NKTR: variants seen among roughly 807,000 people sequenced by gnomAD.
The protein encoded by NKTR is NK-tumor recognition protein.
In NKTR, 67 loss-of-function variants were observed where a neutral mutation model predicts 156.3. That is an observed-to-expected ratio of 0.43 (90% CI 0.35 to 0.53). The LOEUF is 0.53. Among genes scored for constraint, NKTR ranks in the 20% least tolerant of loss-of-function variants. The probability of loss-of-function intolerance (pLI) is 0.01; values close to 1 mark genes in which losing one functional copy is unlikely to be tolerated. For synonymous variants in NKTR, 640 were observed against 596.6 expected (o/e 1.07, Z -1.06); for missense variants, 1,604 against 1,730.9 (o/e 0.93, Z 1.30).
intron 12 of NKTR, among the ~76,000 whole-genome samples, chr3:42,636,303 G>T (rs1225385287): frequency 6.6e-6 from 1 of 152,230 alleles, no homozygotes; most frequent in African/African-American, 2.4e-5. Flanking sequence ...TCAGTTCTGA[G>T]CCTTGACATT....
chr3:42,632,527 A>C lies in NKTR; in HGVS notation c.551-74A>C, dbSNP rs567897615. On this transcript the variant is annotated intron_variant, in intron 8 of 16. Coordinates refer to ENST00000232978, the MANE Select transcript of NKTR (RefSeq NM_005385.4). ...ATGTAAAGCATATTTTATGATATTCAGTAATCACATTTTTTACTCTGAAAG... is the reference window on the plus strand; with the variant it reads ...ATGTAAAGCATATTTTATGATATTCCGTAATCACATTTTTTACTCTGAAAG... 26 of 845,040 alleles carry C rather than the reference A, an allele frequency of 3.1e-5. No homozygotes were observed. In the South Asian group the frequency reaches 4.4e-4, roughly 14 times the overall value. The allele number at this position is 845,040 out of a possible 1,614,324, so 52.3% of individuals were successfully genotyped here. A position where few individuals can be genotyped will look rare whatever the true frequency, so the allele number is the denominator to read the frequency against.
chr3:42,628,450 T>A, intron 6 of NKTR: 4 of 985,432 alleles, frequency 4.1e-6, no homozygotes, highest in Non-Finnish European at 4.8e-6. Flanking sequence ...TGGAATGTTT[T>A]ATTCCACCAT....
intron 8 of NKTR, 128 bp from the exon 9 acceptor site, chr3:42,632,473 C>A: frequency 5.0e-6 from 3 of 597,482 alleles, no homozygotes; most frequent in Admixed American, 3.2e-5. Flanking sequence ...TTGAAAAAAA[C>A]TGTCTACATT....
At chr3:42,612,381 A>C (rs1235674130) in intron 2 of NKTR, 1 of 152,306 alleles carries the variant, frequency 6.6e-6, no homozygotes, top group Admixed American at 6.5e-5. Flanking sequence ...TTCAAAAGAA[A>C]GAACATTTTC....
intron 8 of NKTR, among the ~76,000 whole-genome samples, chr3:42,631,546 G>A (rs567313346): frequency 2.0e-5 from 3 of 152,252 alleles, no homozygotes; most frequent in East Asian, 1.9e-4. Context: ...GATTATTGCC[G>A]TAGCGTCGTA....
In NKTR at chr3:42,639,643, T is replaced by TC; in HGVS notation, c.3941dup (p.Ser1315LysfsTer2). 6.2e-7 allele frequency: 1 copy of TC among 1,613,748 alleles called. No homozygotes were observed. Among genetic ancestry groups the TC allele is most frequent in the Non-Finnish European group, 8.5e-7 (1 of 1,179,888 alleles). ...GGGATGATGATAGCCAGTCCAGGAG[T>TC]CCAAGTAGATCTCGAAGTAAATCTG... On this transcript the variant is annotated frameshift_variant, in exon 13 of 17. Coordinates refer to ENST00000232978, the MANE Select transcript of NKTR (RefSeq NM_005385.4). LOFTEE classifies it high-confidence loss of function.
At chr3:42,622,436 A>G (rs748655362) in intron 6 of NKTR, among the ~76,000 whole-genome samples, 7 of 152,040 alleles carry the variant, frequency 4.6e-5, no homozygotes, top group Non-Finnish European at 8.8e-5. Context: ...TTTCTTTGTC[A>G]TCTTTCTGAA....
chr3:42,636,776 G>T, intron 12 of NKTR, 92 bp from the exon 13 acceptor site: 2 of 1,467,942 alleles, frequency 1.4e-6, no homozygotes, highest in Non-Finnish European at 1.8e-6. Flanking sequence ...AGTGTTAATG[G>T]GGTCAAGAAC....
chr3:42,604,942 G>A (rs1412365932), intron 2 of NKTR, among the ~76,000 whole-genome samples: 2 of 151,636 alleles, frequency 1.3e-5, no homozygotes, highest in African/African-American at 2.4e-5. Context: ...CACCTGCCTC[G>A]GCCTCTCGAA....
chr3:42,643,520 C>T, intron 15 of NKTR, 125 bp downstream of exon 15: 1 of 781,730 alleles, frequency 1.3e-6, no homozygotes, highest in South Asian at 1.7e-5. Context: ...TGAAACCATA[C>T]CTTTTCTAAA....
intron 6 of NKTR, chr3:42,623,686 T>G (rs919383002): frequency 6.6e-6 from 1 of 152,178 alleles, no homozygotes; most frequent in African/African-American, 2.4e-5. Context: ...CTTCAGGTTA[T>G]GTATATGATC....
intron 6 of NKTR, chr3:42,628,600 A>G (rs1431261147): frequency 1.0e-6 from 1 of 985,310 alleles, no homozygotes; most frequent in Non-Finnish European, 1.2e-6. Flanking sequence ...CATGGGAGGA[A>G]CGGATCAAAG....
At chr3:42,635,142 G>A in intron 11 of NKTR, 79 bp from the exon 12 acceptor site, 1 of 1,074,910 alleles carries the variant, frequency 9.3e-7, no homozygotes, top group South Asian at 1.8e-5. Flanking sequence ...CTGAGATTGG[G>A]TCTTTTACTT....
chr3:42,612,216 A>C (rs1706897436), intron 2 of NKTR: 2 of 152,060 alleles, frequency 1.3e-5, no homozygotes, highest in Non-Finnish European at 2.9e-5. Context: ...AGGAAGAAAA[A>C]TAAGAATTTA....
chr3:42,633,493 G>C, intron 9 of NKTR, 87 bp from the exon 10 acceptor site: 1 of 1,520,978 alleles, frequency 6.6e-7, no homozygotes, highest in African/African-American at 1.4e-5. Context: ...CGTTAATTAT[G>C]CTGTTGTTTT....
At chr3:42,626,992 G>A (rs954410226) in intron 6 of NKTR, among the ~76,000 whole-genome samples, 3 of 152,038 alleles carry the variant, frequency 2.0e-5, no homozygotes, top group Non-Finnish European at 4.4e-5. Flanking sequence ...ACTTAGCCAC[G>A]ATGCTTTTCT....
chr3:42,638,947 G>A lies in NKTR; in HGVS notation c.3243G>A (p.Gln1081=), dbSNP rs756772827. The change falls in exon 13 of 17, where the codon CAG becomes CAA. Residue 1081 remains glutamine, a synonymous_variant. Coordinates refer to ENST00000232978, the MANE Select transcript of NKTR (RefSeq NM_005385.4). ...DTVTVSSDLD[Q]FTKDDSKLSI... The stretch of plus-strand genomic sequence containing the variant: ...TGACTGTTTCATCAGATCTTGATCA[G>A]TTTACTAAAGATGATAGTAAACTCA... 2.5e-6 allele frequency: 4 copies of A among 1,613,578 alleles called. No individual in the cohort carries two copies. In the African/African-American group the frequency reaches 5.3e-5, roughly 22 times the overall value.
At chr3:42,624,472 C>A (rs1228004017) in intron 6 of NKTR, among the ~76,000 whole-genome samples, 1 of 151,512 alleles carries the variant, frequency 6.6e-6, no homozygotes, top group East Asian at 1.9e-4. Flanking sequence ...TAGGAAGAAA[C>A]CACAATAAAA....
intron 14 of NKTR, among the ~76,000 whole-genome samples, chr3:42,642,889 AC>A (rs1710015469): frequency 6.6e-6 from 1 of 152,032 alleles, no homozygotes; most frequent in Non-Finnish European, 1.5e-5. Context: ...ATCTGCATTC[AC>A]CTCTTGACAT....
Sources: gnomAD v4.1 joint callset for allele counts (sites outside exome capture counted in the v4.1 genomes callset) on GRCh38, gnomAD v4.1.1 for gene constraint, MANE v1.5 for transcripts, NCBI Gene and HGNC (gene_info 2026-07-23, HGNC 2026-07-21) for gene names.